Variants in DGLUCY observed in about 807,000 individuals in gnomAD.
The protein encoded by DGLUCY is D-glutamate cyclase, mitochondrial.
Under a neutral mutation model 58.5 loss-of-function variants are expected in DGLUCY, and 58 were observed. The observed-to-expected ratio is 0.99, with a 90% CI of 0.80 to 1.23. The LOEUF (loss-of-function observed/expected upper bound fraction) is 1.23. Among genes scored for constraint, DGLUCY ranks in the 50% most tolerant of loss-of-function variants. The probability of loss-of-function intolerance (pLI) is 0.00; values close to 1 mark genes in which losing one functional copy is unlikely to be tolerated. For synonymous variants in DGLUCY, 325 were observed against 314.1 expected, an observed-to-expected ratio of 1.03 and a Z score of -0.37; for missense variants, 779 against 784.7, an observed-to-expected ratio of 0.99 and a Z score of 0.09.
At chr14:91,205,830 T>TTTC (rs1177681775) in intron 12 of DGLUCY, among the ~76,000 whole-genome samples, 9 of 124,072 alleles carry the variant, frequency 7.3e-5, no homozygotes, top group African/African-American at 2.5e-4. Context: ...TCCTCCTCCC[T>TTTC]TTCTTCTTCT....
intron 1 of DGLUCY, among the ~76,000 whole-genome samples, chr14:91,066,388 GA>G (rs58589619): frequency 0.15 from 16,845 of 113,872 alleles, 895 homozygotes; most frequent in East Asian, 0.21. Context: ...AAAAAAAAAA[GA>G]AAAAAAAAAA....
intron 1 of DGLUCY, among the ~76,000 whole-genome samples, chr14:91,153,989 T>A (rs1363243982): frequency 1.3e-5 from 2 of 152,176 alleles, no homozygotes; most frequent in African/African-American, 4.8e-5. Flanking sequence ...CACTGCAGCC[T>A]CTGCCTCCCG....
At chr14:91,085,796 T>C (rs185467461) in intron 1 of DGLUCY, among the ~76,000 whole-genome samples, 1 of 152,274 alleles carries the variant, frequency 6.6e-6, no homozygotes, top group East Asian at 1.9e-4. Flanking sequence ...CTCGAACTCC[T>C]GACCTTAGGT....
rs1163260792 is a variant in DGLUCY, at chr14:91,199,827, A to G, written c.1366A>G (p.Met456Val). Residue 456 changes from methionine to valine, a missense_variant, in exon 11 of 14, where the codon ATG becomes GTG. Physicochemically the swap from Met to Val is conservative, Grantham distance 21 (BLOSUM62 1). Coordinates refer to ENST00000256324, the MANE Select transcript of DGLUCY (RefSeq NM_001102368.3). ...TGGCAATTACTACAATGCAAGGAAG[A>G]TGAACATCAAGCACTTGGTTGACCC... ...ADGNYYNARK[M>V]NIKHLVDPID... 6 of 1,614,162 alleles carry G rather than the reference A, an allele frequency of 3.7e-6. No homozygotes were observed. The highest frequency in any genetic ancestry group is 3.3e-5 in the Admixed American group (2 of 60,020).
chr14:91,065,508 A>C (rs1037004590), intron 1 of DGLUCY, among the ~76,000 whole-genome samples: 1 of 152,166 alleles, frequency 6.6e-6, no homozygotes, highest in African/African-American at 2.4e-5. Context: ...GAAAAATAAC[A>C]ACAAAACAAA....
intron 4 of DGLUCY, among the ~76,000 whole-genome samples, chr14:91,169,420 T>C (rs1199850711): frequency 6.6e-6 from 1 of 151,760 alleles, no homozygotes; most frequent in African/African-American, 2.4e-5. Flanking sequence ...TTTTTTTTTT[T>C]TTCTTTGAGG....
intron 10 of DGLUCY, 81 bp from the exon 11 acceptor site, chr14:91,199,676 G>T (rs141794596): frequency 2.0e-6 from 3 of 1,488,764 alleles, no homozygotes; most frequent in Non-Finnish European, 2.7e-6. Flanking sequence ...CGTCTTTCGC[G>T]CAAACACAAG....
At chr14:91,190,271 G>A (rs1053056491) in intron 9 of DGLUCY, among the ~76,000 whole-genome samples, 6 of 152,142 alleles carry the variant, frequency 3.9e-5, no homozygotes, top group African/African-American at 1.4e-4. Context: ...ACAGGCGTGA[G>A]CCACCGCGCC....
upstream of DGLUCY, among the ~76,000 whole-genome samples, chr14:91,107,278 G>T (rs2044608507): frequency 6.6e-6 from 1 of 152,016 alleles, no homozygotes; most frequent in Admixed American, 6.6e-5. Context: ...CGGCACTTTG[G>T]CAAGCTGAGG....
At chr14:91,193,845 A>G (rs1354594938) in intron 9 of DGLUCY, among the ~76,000 whole-genome samples, 1 of 92,452 alleles carries the variant, frequency 1.1e-5, no homozygotes, top group Non-Finnish European at 2.3e-5. Flanking sequence ...CCATCTTAGA[A>G]AAAAAAAAAA....
At chr14:91,061,370 C>T (rs907190340) in intron 1 of DGLUCY, among the ~76,000 whole-genome samples, 2 of 152,194 alleles carry the variant, frequency 1.3e-5, no homozygotes, top group African/African-American at 2.4e-5. Context: ...GTACAAGACT[C>T]TTACTAGGCG....
intron 1 of DGLUCY, among the ~76,000 whole-genome samples, chr14:91,068,073 GCGCACGCACA>G (rs1389960847): frequency 3.5e-3 from 209 of 59,132 alleles, no homozygotes; most frequent in African/African-American, 0.014. Flanking sequence ...ACACACACAC[GCGCACGCACA>G]CACACACACA....
intron 8 of DGLUCY, among the ~76,000 whole-genome samples, chr14:91,187,955 C>A (rs958985245): frequency 2.0e-5 from 3 of 152,112 alleles, no homozygotes; most frequent in African/African-American, 7.2e-5. Context: ...TTGAGGGAAT[C>A]CCCAGCTAAT....
chr14:91,103,482 G>A (rs1727065288), upstream of DGLUCY, among the ~76,000 whole-genome samples: 1 of 152,076 alleles, frequency 6.6e-6, no homozygotes, highest in Non-Finnish European at 1.5e-5. Flanking sequence ...ACAGATGGGA[G>A]CTCCCTCCTC....
intron 13 of DGLUCY, chr14:91,220,661 A>G (rs970098759): frequency 1.1e-5 from 5 of 456,068 alleles, no homozygotes; most frequent in Admixed American, 4.7e-5. Flanking sequence ...CACACTCCCC[A>G]GCCCGGTCCA....
chr14:91,110,467 G>T (rs12437199), upstream of DGLUCY, among the ~76,000 whole-genome samples: 7 of 130,026 alleles, frequency 5.4e-5, no homozygotes, highest in Non-Finnish European at 7.8e-5. Flanking sequence ...GTCTCGCTCT[G>T]TCACCCAGGC....
At chr14:91,177,991 T>G (rs2048957331) in intron 7 of DGLUCY, among the ~76,000 whole-genome samples, 1 of 152,234 alleles carries the variant, frequency 6.6e-6, no homozygotes, top group Non-Finnish European at 1.5e-5. Flanking sequence ...CCCAGCCCAG[T>G]GGCCTCACCG....
At position 91,141,831 on chromosome 14, in the gene DGLUCY, G is replaced by A. The variant is rs186646991; in HGVS notation, c.-81-15808G>A. 4.9e-3 allele frequency among the ~76,000 whole-genome samples: 734 copies of A among 150,432 alleles called. 2 individuals are homozygous for A. Among genetic ancestry groups the A allele is most frequent in the Middle Eastern group, 0.014 (4 of 284 alleles). On this transcript the variant is annotated intron_variant, in intron 1 of 13. Coordinates refer to ENST00000256324, the MANE Select transcript of DGLUCY (RefSeq NM_001102368.3). ...CTCCCAAAGTACGGGGATTACAGGC[G>A]TGAGTCACTGCGCCCGGCCTTTTTT...
chr14:91,211,173 G>A (rs963306859), intron 12 of DGLUCY, among the ~76,000 whole-genome samples: 3 of 152,022 alleles, frequency 2.0e-5, no homozygotes, highest in Admixed American at 6.6e-5. Context: ...TTGATGAAAG[G>A]TATCAAAAAA....
Sources: allele counts gnomAD v4.1 joint callset (sites outside exome capture counted in the v4.1 genomes callset), GRCh38; gene constraint gnomAD v4.1.1; transcripts MANE v1.5; gene names NCBI Gene and HGNC (gene_info 2026-07-23, HGNC 2026-07-21).